Variants in SLC37A1 observed in about 807,000 individuals in gnomAD.
The protein encoded by SLC37A1 is glucose-6-phosphate exchanger SLC37A1.
SLC37A1 carries 49 observed loss-of-function variants against 75.3 expected under a neutral mutation model. That is an observed-to-expected ratio of 0.65 (90% CI 0.52 to 0.83). The LOEUF (loss-of-function observed/expected upper bound fraction) is 0.83. Ranked by LOEUF, SLC37A1 falls within the 40% of genes least tolerant of loss-of-function variation. The probability of loss-of-function intolerance (pLI) is 0.00; values close to 1 mark genes in which losing one functional copy is unlikely to be tolerated. For synonymous variants in SLC37A1, 268 were observed against 292.1 expected, an observed-to-expected ratio of 0.92 and a Z score of 0.84; for missense variants, 566 against 695.0, an observed-to-expected ratio of 0.81 and a Z score of 2.09.
At chr21:42,525,980 T>C in intron 3 of SLC37A1, 123 bp downstream of exon 3, 1 of 635,076 alleles carries the variant, frequency 1.6e-6, no homozygotes, top group Non-Finnish European at 2.7e-6. Flanking sequence ...AGAAACAAGT[T>C]ATTCTGCTGC....
intron 2 of SLC37A1, among the ~76,000 whole-genome samples, chr21:42,520,481 GA>G (rs1376514891): frequency 6.6e-6 from 1 of 152,142 alleles, no homozygotes; most frequent in Non-Finnish European, 1.5e-5. Context: ...ATTTTTGACA[GA>G]AATCCCATAG....
At chr21:42,580,277 A>C in intron 19 of SLC37A1, 68 bp from the exon 20 acceptor site, 1 of 1,566,372 alleles carries the variant, frequency 6.4e-7, no homozygotes, top group Non-Finnish European at 8.7e-7. Context: ...ATGGTGTGTG[A>C]AGTTCAGCAT....
rs536742892 is a variant in SLC37A1, at chr21:42,545,474, C to T, written c.731-1629C>T. 3.3e-5 allele frequency among the ~76,000 whole-genome samples: 5 copies of T among 152,260 alleles called. No individual in the cohort carries two copies. Among genetic ancestry groups the T allele is most frequent in the South Asian group, 4.1e-4 (2 of 4,822 alleles). Reference sequence around the variant, plus strand: ...AAAGGCATCAGATGTGCCATTCTTGCGGTCAACAGAGGATGTGGCTTTCTC... The same window carrying T: ...AAAGGCATCAGATGTGCCATTCTTGTGGTCAACAGAGGATGTGGCTTTCTC... On this transcript the variant is annotated intron_variant, in intron 8 of 19. Transcript: ENST00000352133. The surrounding 1 kb of genome is among the most constrained non-coding windows in gnomAD (Gnocchi z 4.0).
chr21:42,534,616 T>G (rs1601699866), intron 3 of SLC37A1, 82 bp from the exon 4 acceptor site: 1 of 1,499,462 alleles, frequency 6.7e-7, no homozygotes. Flanking sequence ...AGAGGAGGGG[T>G]GACTGTTCCT....
In SLC37A1 at chr21:42,580,352, G is replaced by A; in HGVS notation, c.1594G>A (p.Glu532Lys). 3.1e-6 allele frequency: 5 copies of A among 1,613,246 alleles called. No homozygotes were observed. The highest frequency in any genetic ancestry group is 3.4e-6 in the Non-Finnish European group (4 of 1,179,774). Residue 532 changes from glutamate to lysine, a missense_variant, in exon 20 of 20, where the codon GAA (glutamate) becomes AAA (lysine). By Grantham distance (56) the Glu-to-Lys change is moderately conservative. Coordinates refer to ENST00000352133, the MANE Select transcript of SLC37A1 (RefSeq NM_001320537.2). ...TTTCAACCTTTCTTTCAGATTTAAG[G>A]AACAGTGACACCCCACCCCAGTCCC... Reference protein sequence around the residue: ...SATGDQVPFKEQ With the variant: ...SATGDQVPFKKQ
intron 17 of SLC37A1, among the ~76,000 whole-genome samples, chr21:42,572,135 C>A (rs945548802): frequency 1.3e-5 from 2 of 152,194 alleles, no homozygotes; most frequent in African/African-American, 4.8e-5. Flanking sequence ...CGTGGAAACA[C>A]CTTCTCTTCA....
chr21:42,542,878 G>A (rs1481746119), intron 7 of SLC37A1, among the ~76,000 whole-genome samples: 2 of 152,240 alleles, frequency 1.3e-5, no homozygotes, highest in Admixed American at 6.5e-5. Flanking sequence ...GACCCAGCCT[G>A]GCGAGTCCAG....
intron 2 of SLC37A1, among the ~76,000 whole-genome samples, chr21:42,523,175 G>A (rs899776767): frequency 6.6e-6 from 1 of 152,102 alleles, no homozygotes; most frequent in African/African-American, 2.4e-5. Flanking sequence ...TGGCACTGTG[G>A]TTGGAGAATC....
chr21:42,510,025 G>A (rs2054419750), upstream of SLC37A1, among the ~76,000 whole-genome samples: 1 of 152,158 alleles, frequency 6.6e-6, no homozygotes, highest in Non-Finnish European at 1.5e-5. Context: ...AAGTTGAGGT[G>A]GGGAAAAATT....
chr21:42,505,418 T>C (rs1448651656), intron 2 of SLC37A1, among the ~76,000 whole-genome samples: 1 of 152,170 alleles, frequency 6.6e-6, no homozygotes, highest in African/African-American at 2.4e-5. Flanking sequence ...CTTCTCCAGG[T>C]CTCAGCTCAG....
At chr21:42,530,656 C>CACACACCCA (rs1568997149) in intron 3 of SLC37A1, among the ~76,000 whole-genome samples, 2 of 23,472 alleles carry the variant, frequency 8.5e-5, no homozygotes, top group African/African-American at 2.9e-4. Context: ...ACACACACAC[C>CACACACCCA]CCCTCTGTGT....
At chr21:42,510,412 A>ATACCATTAC (rs1025599234), upstream of SLC37A1, among the ~76,000 whole-genome samples, 3 of 152,252 alleles carry the variant, frequency 2.0e-5, no homozygotes, top group Admixed American at 2.0e-4. Context: ...GAATCAAAGC[A>ATACCATTAC]TACCATTACA....
At position 42,580,198 on chromosome 21, in the gene SLC37A1, C is replaced by T. The variant is rs139904673; in HGVS notation, c.1587-147C>T. On this transcript the variant is annotated intron_variant, in intron 19 of 19. Coordinates refer to ENST00000352133, the MANE Select transcript of SLC37A1 (RefSeq NM_001320537.2). ...AAAGGTGCAAGGGTTTATCCAGCAT[C>T]CAGCACCCCTGCAGGAGAGGAATCC... is the stretch of plus-strand genomic sequence containing the variant. 613 of 900,208 alleles carry T rather than the reference C, an allele frequency of 6.8e-4. 3 individuals carry two copies. The African/African-American group carries it at 9.1e-3, about 13-fold the overall frequency. 55.8% of individuals were successfully genotyped at this position (900,208 alleles called of 1,614,324 possible). A position where few individuals can be genotyped will look rare whatever the true frequency, so the allele number is the denominator to read the frequency against.
rs1199812375 is a variant in SLC37A1, at chr21:42,554,438, A to G, written c.849+296A>G. Among the ~76,000 whole-genome samples, 5 of 152,126 alleles carry G rather than the reference A, an allele frequency of 3.3e-5. No individual in the cohort carries two copies. In the East Asian group the frequency reaches 9.6e-4, roughly 29 times the overall value. Reference sequence around the variant, plus strand: ...GTGTAGACGGAACGCAGGCAGAGACATCCCCCAAGCGGTGCCAAGCGGCAG... The same window carrying G: ...GTGTAGACGGAACGCAGGCAGAGACGTCCCCCAAGCGGTGCCAAGCGGCAG... On this transcript the variant is annotated intron_variant, in intron 10 of 19. Transcript: ENST00000352133.
intron 3 of SLC37A1, among the ~76,000 whole-genome samples, chr21:42,530,847 G>C (rs570686252): frequency 6.6e-6 from 1 of 152,072 alleles, no homozygotes; most frequent in Non-Finnish European, 1.5e-5. Flanking sequence ...AGAATGTGTC[G>C]CGTGGCTGTA....
At chr21:42,527,875 A>G (rs1956710351) in intron 3 of SLC37A1, among the ~76,000 whole-genome samples, 1 of 152,204 alleles carries the variant, frequency 6.6e-6, no homozygotes, top group African/African-American at 2.4e-5. Flanking sequence ...AGAACATCAC[A>G]CCACATCAAA....
intron 3 of SLC37A1, among the ~76,000 whole-genome samples, chr21:42,527,622 G>A (rs532789013): frequency 7.8e-4 from 119 of 152,244 alleles, no homozygotes; most frequent in African/African-American, 2.7e-3. Flanking sequence ...TCGGGTCTTC[G>A]TTCCCCAGGC....
intron 17 of SLC37A1, among the ~76,000 whole-genome samples, chr21:42,571,106 A>G (rs1601776348): frequency 6.6e-6 from 1 of 151,984 alleles, no homozygotes; most frequent in Non-Finnish European, 1.5e-5. Flanking sequence ...CACCCCCACC[A>G]CCACGCCTTG....
At chr21:42,517,008 T>C (rs1456904342) in intron 1 of SLC37A1, among the ~76,000 whole-genome samples, 4 of 152,228 alleles carry the variant, frequency 2.6e-5, no homozygotes, top group Non-Finnish European at 5.9e-5. Context: ...TGGCTGTTCA[T>C]TCAACGTGAG....
Sources: gnomAD v4.1 joint callset for allele counts (sites outside exome capture counted in the v4.1 genomes callset) on GRCh38, gnomAD v4.1.1 for gene constraint, Gnocchi (gnomAD v3.1) non-coding constraint, MANE v1.5 for transcripts, NCBI Gene and HGNC (gene_info 2026-07-23, HGNC 2026-07-21) for gene names.